RBPJ: variants seen among roughly 807,000 people sequenced by gnomAD.
RBPJ encodes recombining binding protein suppressor of hairless.
RBPJ carries 9 observed loss-of-function variants against 67.8 expected under a neutral mutation model. The observed-to-expected ratio is 0.13, with a 90% CI of 0.08 to 0.23. The LOEUF (loss-of-function observed/expected upper bound fraction) is 0.23. RBPJ is among the 10% of genes least tolerant of loss of function. RBPJ has a pLI of 1.00. For missense variants in RBPJ, 305 were observed against 595.6 expected, an observed-to-expected ratio of 0.51 and a Z score of 5.08; for synonymous variants, 198 against 203.3, an observed-to-expected ratio of 0.97 and a Z score of 0.22.
intron 2 of RBPJ, among the ~76,000 whole-genome samples, chr4:26,397,560 T>TA (rs1732264857): frequency 6.6e-6 from 1 of 152,244 alleles, no homozygotes; most frequent in Non-Finnish European, 1.5e-5. Flanking sequence ...CGTCAAGTAG[T>TA]ATATATTTTA....
At chr4:26,296,482 A>C (rs1721878635) in intron 1 of RBPJ, among the ~76,000 whole-genome samples, 1 of 152,224 alleles carries the variant, frequency 6.6e-6, no homozygotes, top group African/African-American at 2.4e-5. Context: ...TTAGCAAAGA[A>C]GGACAATACT....
At chr4:26,238,818 G>A (rs1454802283) in intron 1 of RBPJ, among the ~76,000 whole-genome samples, 1 of 152,104 alleles carries the variant, frequency 6.6e-6, no homozygotes, top group Non-Finnish European at 1.5e-5. Context: ...GGATGGCAGG[G>A]TTTACACAGT....
At chr4:26,384,484 A>G (rs1221683464) in intron 1 of RBPJ, 1 of 152,184 alleles carries the variant, frequency 6.6e-6, no homozygotes, top group African/African-American at 2.4e-5. Flanking sequence ...TTCATATCCT[A>G]TAACTGTGTT....
intron 3 of RBPJ, among the ~76,000 whole-genome samples, chr4:26,410,722 G>A (rs1042535063): frequency 4.6e-5 from 7 of 152,184 alleles, no homozygotes; most frequent in African/African-American, 1.2e-4. Flanking sequence ...TTTGGATTCT[G>A]TTTAACCTAA....
intron 1 of RBPJ, among the ~76,000 whole-genome samples, chr4:26,232,037 A>G (rs985467070): frequency 6.6e-6 from 1 of 151,590 alleles, no homozygotes; most frequent in Non-Finnish European, 1.5e-5. Context: ...GACTACAGGC[A>G]TGCATCACCA....
the RBPJ span, among the ~76,000 whole-genome samples, chr4:26,138,179 A>C: frequency 1.3e-5 from 2 of 152,220 alleles, no homozygotes; most frequent in African/African-American, 2.4e-5. Context: ...TGGTGACCTC[A>C]GTTTGTTGCT....
At chr4:26,268,373 T>C (rs1172568290) in intron 1 of RBPJ, among the ~76,000 whole-genome samples, 2 of 152,172 alleles carry the variant, frequency 1.3e-5, no homozygotes, top group African/African-American at 2.4e-5. Flanking sequence ...GGGGCCTGAG[T>C]CCTTCTCTCC....
the RBPJ span, among the ~76,000 whole-genome samples, chr4:26,130,447 G>C: frequency 6.6e-6 from 1 of 152,086 alleles, no homozygotes. Flanking sequence ...CTGTGGGCAG[G>C]GACGTCTTGA....
At chr4:26,238,755 T>G (rs1036185030) in intron 1 of RBPJ, among the ~76,000 whole-genome samples, 3 of 151,776 alleles carry the variant, frequency 2.0e-5, no homozygotes, top group African/African-American at 7.3e-5. Context: ...CCAGAAGTGG[T>G]GGGGTCGCGG....
intron 5 of RBPJ, among the ~76,000 whole-genome samples, chr4:26,421,676 T>G (rs1286048985): frequency 6.6e-6 from 1 of 152,118 alleles, no homozygotes; most frequent in Non-Finnish European, 1.5e-5. Context: ...TCTGTTTCAT[T>G]ATCTCCATCA....
intron 1 of RBPJ, among the ~76,000 whole-genome samples, chr4:26,298,110 C>T (rs1310015725): frequency 6.6e-6 from 1 of 152,076 alleles, no homozygotes; most frequent in Non-Finnish European, 1.5e-5. Flanking sequence ...ATGCCGTAGG[C>T]CATTTTGAAA....
intron 1 of RBPJ, among the ~76,000 whole-genome samples, chr4:26,373,192 C>T (rs770380094): frequency 1.3e-5 from 2 of 152,216 alleles, no homozygotes; most frequent in African/African-American, 2.4e-5. Context: ...AATCTCTTCT[C>T]CCCCATTCTG....
intron 1 of RBPJ, among the ~76,000 whole-genome samples, chr4:26,205,809 T>G (rs903070705): frequency 1.3e-5 from 2 of 151,962 alleles, no homozygotes; most frequent in Non-Finnish European, 2.9e-5. Flanking sequence ...GCCAGGCTGG[T>G]TTCAAACTCC....
intron 1 of RBPJ, among the ~76,000 whole-genome samples, chr4:26,241,152 G>A (rs528573052): frequency 6.6e-5 from 10 of 150,382 alleles, no homozygotes; most frequent in Non-Finnish European, 1.3e-4. Context: ...AGCCAAGGTC[G>A]CACCATTGCA....
intron 1 of RBPJ, among the ~76,000 whole-genome samples, chr4:26,257,843 G>C (rs904059798): frequency 6.6e-6 from 1 of 152,206 alleles, no homozygotes; most frequent in African/African-American, 2.4e-5. Context: ...AAGAGAAAAT[G>C]GTCCTGGGGC....
chr4:26,154,517 C>T, the RBPJ span, among the ~76,000 whole-genome samples: 4 of 152,176 alleles, frequency 2.6e-5, no homozygotes, highest in African/African-American at 9.7e-5. Flanking sequence ...CTGCTGTGGT[C>T]CCAGATGGAA....
intron 1 of RBPJ, among the ~76,000 whole-genome samples, chr4:26,323,616 A>T (rs1403043073): frequency 1.3e-5 from 2 of 152,176 alleles, no homozygotes. Context: ...GACTTGCAAT[A>T]TTTTCAAATC....
the RBPJ span, among the ~76,000 whole-genome samples, chr4:26,137,508 G>A: frequency 6.6e-6 from 1 of 152,174 alleles, no homozygotes; most frequent in Non-Finnish European, 1.5e-5. Flanking sequence ...AGAGTACTAT[G>A]GAGAGAAGCA....
At chr4:26,222,882 G>A (rs948151923) in intron 1 of RBPJ, among the ~76,000 whole-genome samples, 19 of 151,798 alleles carry the variant, frequency 1.3e-4, no homozygotes, top group African/African-American at 3.1e-4. Context: ...TTGGCCAGGC[G>A]TGGTGGCTCA....
Sources: gnomAD v4.1 joint callset for allele counts (sites outside exome capture counted in the v4.1 genomes callset) on GRCh38, gnomAD v4.1.1 for gene constraint, MANE v1.5 for transcripts, NCBI Gene and HGNC (gene_info 2026-07-23, HGNC 2026-07-21) for gene names.